CSMD3: variants seen among roughly 807,000 people sequenced by gnomAD.
CSMD3 encodes CUB and sushi domain-containing protein 3.
A neutral mutation model predicts 435.2 loss-of-function variants in CSMD3; 177 were observed. The ratio of observed to expected loss-of-function variants is 0.41; its 90% CI spans 0.36 to 0.46. CSMD3 has a LOEUF of 0.46. CSMD3 is among the 20% of genes least tolerant of loss of function. The pLI, the probability that CSMD3 is intolerant of heterozygous loss-of-function variation, is 0.34. For missense variants in CSMD3, 4,265 were observed against 4,504.6 expected (o/e 0.95, Z 1.52); for synonymous variants, 1,656 against 1,520.5 (o/e 1.09, Z -2.07).
intron 13 of CSMD3, among the ~76,000 whole-genome samples, chr8:112,735,799 C>A (rs1012352746): frequency 1.3e-5 from 2 of 151,920 alleles, no homozygotes; most frequent in African/African-American, 4.8e-5. Context: ...CTCCCCAGAA[C>A]AATATAACAC....
At chr8:112,360,373 C>A (rs1827069945) in intron 38 of CSMD3, among the ~76,000 whole-genome samples, 1 of 151,850 alleles carries the variant, frequency 6.6e-6, no homozygotes, top group African/African-American at 2.4e-5. Flanking sequence ...TACTGAGATG[C>A]TCATTTTTAA....
At chr8:112,400,569 G>C (rs925701376) in intron 35 of CSMD3, among the ~76,000 whole-genome samples, 1 of 152,080 alleles carries the variant, frequency 6.6e-6, no homozygotes, top group Non-Finnish European at 1.5e-5. Context: ...GGGTTCCTGG[G>C]TACCCACATC....
At chr8:113,252,307 T>C (rs1223747032) in intron 3 of CSMD3, among the ~76,000 whole-genome samples, 1 of 152,122 alleles carries the variant, frequency 6.6e-6, no homozygotes, top group Non-Finnish European at 1.5e-5. Context: ...TAAGAGATGA[T>C]ACTATCTATC....
chr8:113,311,657 T>A (rs185567170), intron 2 of CSMD3: 1 of 152,200 alleles, frequency 6.6e-6, no homozygotes, highest in Admixed American at 6.5e-5. Context: ...CCAGCAGCAG[T>A]TTCGACTTCT....
chr8:112,334,831 A>C (rs1824409855), intron 45 of CSMD3, among the ~76,000 whole-genome samples: 1 of 152,220 alleles, frequency 6.6e-6, no homozygotes, highest in Admixed American at 6.5e-5. Context: ...TATGAACTTA[A>C]TGATCTGGAA....
chr8:113,033,376 A>G (rs1186223869), intron 5 of CSMD3, among the ~76,000 whole-genome samples: 1 of 151,672 alleles, frequency 6.6e-6, no homozygotes, highest in African/African-American at 2.4e-5. Context: ...TTGCATCAAT[A>G]TGCCCTGGAT....
At chr8:112,870,291 C>T (rs1308845772) in intron 10 of CSMD3, among the ~76,000 whole-genome samples, 3 of 145,658 alleles carry the variant, frequency 2.1e-5, no homozygotes, top group East Asian at 2.0e-4. Context: ...TTTTTTGAGA[C>T]GGGGTCTCTC....
chr8:112,996,881 G>A (rs568388717), intron 6 of CSMD3, among the ~76,000 whole-genome samples: 1 of 151,534 alleles, frequency 6.6e-6, no homozygotes, highest in African/African-American at 2.4e-5. Flanking sequence ...ATAAATAATA[G>A]TGTTAGTTTC....
chr8:113,374,148 A>G (rs934564874), intron 1 of CSMD3, among the ~76,000 whole-genome samples: 3 of 152,070 alleles, frequency 2.0e-5, no homozygotes, highest in South Asian at 4.1e-4. Context: ...TATGTAAAGT[A>G]AATAATGCAG....
intron 31 of CSMD3, among the ~76,000 whole-genome samples, chr8:112,480,543 C>G (rs945904178): frequency 7.9e-5 from 12 of 152,004 alleles, no homozygotes; most frequent in African/African-American, 2.9e-4. Flanking sequence ...GGGGAAAATC[C>G]CTCATGAATG....
intron 49 of CSMD3, 56 bp downstream of exon 49, chr8:112,313,850 A>C (rs1405856910): frequency 1.4e-6 from 2 of 1,386,064 alleles, no homozygotes; most frequent in African/African-American, 2.9e-5. Flanking sequence ...CTCCTTAATC[A>C]TAATCATACC....
At chr8:113,072,480 C>A (rs10111703) in intron 5 of CSMD3, among the ~76,000 whole-genome samples, 1 of 151,376 alleles carries the variant, frequency 6.6e-6, no homozygotes, top group Non-Finnish European at 1.5e-5. Flanking sequence ...TCTTCTATAT[C>A]TGTTTTGTTT....
intron 6 of CSMD3, among the ~76,000 whole-genome samples, chr8:113,010,589 G>A (rs758831922): frequency 1.3e-5 from 2 of 151,592 alleles, no homozygotes; most frequent in Non-Finnish European, 3.0e-5. Context: ...TACATTTAAA[G>A]ATAGTAATTG....
At chr8:112,633,591 A>G (rs994646674) in intron 22 of CSMD3, among the ~76,000 whole-genome samples, 3 of 152,064 alleles carry the variant, frequency 2.0e-5, no homozygotes, top group African/African-American at 7.2e-5. Context: ...CTTTAAACTT[A>G]AATGCAGAGC....
At chr8:112,253,366 C>G (rs1478544563) in intron 63 of CSMD3, among the ~76,000 whole-genome samples, 3 of 151,910 alleles carry the variant, frequency 2.0e-5, no homozygotes, top group Non-Finnish European at 4.4e-5. Flanking sequence ...TGAAGGAAAT[C>G]AGAAGAATTG....
chr8:113,108,236 T>C (rs957666266), intron 4 of CSMD3, among the ~76,000 whole-genome samples: 2 of 152,058 alleles, frequency 1.3e-5, no homozygotes, highest in Non-Finnish European at 2.9e-5. Context: ...GAGACCATCC[T>C]GGACAACATG....
At chr8:113,386,964 T>C (rs1729933310) in intron 1 of CSMD3, among the ~76,000 whole-genome samples, 1 of 151,776 alleles carries the variant, frequency 6.6e-6, no homozygotes, top group African/African-American at 2.4e-5. Flanking sequence ...AGCATATACA[T>C]TATAAAGCAT....
At chr8:113,124,811 C>G (rs1236078144) in intron 4 of CSMD3, among the ~76,000 whole-genome samples, 1 of 152,070 alleles carries the variant, frequency 6.6e-6, no homozygotes, top group East Asian at 1.9e-4. Context: ...CTTTGCACCT[C>G]TATACTCCTG....
intron 1 of CSMD3, among the ~76,000 whole-genome samples, chr8:113,326,174 G>A (rs2093982447): frequency 6.6e-6 from 1 of 152,130 alleles, no homozygotes; most frequent in Admixed American, 6.5e-5. Flanking sequence ...CAATGCTAAT[G>A]TTCACATCTT....
Sources: allele counts gnomAD v4.1 joint callset (sites outside exome capture counted in the v4.1 genomes callset), GRCh38; gene constraint gnomAD v4.1.1; transcripts MANE v1.5; gene names NCBI Gene and HGNC (gene_info 2026-07-23, HGNC 2026-07-21).